The following THSD7A variants were observed in gnomAD, a reference collection of about 807,000 sequenced individuals.
The protein encoded by THSD7A is thrombospondin type-1 domain-containing protein 7A.
In THSD7A, 96 loss-of-function variants were observed where a neutral mutation model predicts 231.3. The ratio of observed to expected loss-of-function variants is 0.41; its 90% CI spans 0.35 to 0.49. The LOEUF (loss-of-function observed/expected upper bound fraction) is 0.49, where lower values mean the gene tolerates loss of function less well. Ranked by LOEUF, THSD7A falls within the 20% of genes least tolerant of loss-of-function variation. THSD7A has a pLI of 0.05. For synonymous variants in THSD7A, 940 were observed against 743.3 expected (o/e 1.26, Z -4.30); for missense variants, 2,290 against 2,070.2 (o/e 1.11, Z -2.06).
At chr7:11,480,718 G>C (rs1229357521) in intron 7 of THSD7A, among the ~76,000 whole-genome samples, 2 of 151,936 alleles carry the variant, frequency 1.3e-5, no homozygotes, top group Non-Finnish European at 2.9e-5. Flanking sequence ...CAAAGGCCAA[G>C]GTAATTATAG....
chr7:11,570,181 G>C (rs944726672), intron 4 of THSD7A, among the ~76,000 whole-genome samples: 1 of 151,620 alleles, frequency 6.6e-6, no homozygotes, highest in South Asian at 2.1e-4. Flanking sequence ...AAGAAAAAAA[G>C]AAAGAAAAGA....
At chr7:11,629,939 C>A (rs901684157) in intron 2 of THSD7A, among the ~76,000 whole-genome samples, 1 of 152,160 alleles carries the variant, frequency 6.6e-6, no homozygotes, top group East Asian at 1.9e-4. Flanking sequence ...TATCCCAGAA[C>A]ACGTATGGTT....
intron 4 of THSD7A, among the ~76,000 whole-genome samples, chr7:11,569,888 C>A (rs1184527082): frequency 6.6e-6 from 1 of 152,146 alleles, no homozygotes; most frequent in Non-Finnish European, 1.5e-5. Context: ...ATGGATGAAA[C>A]TAGGCTGGGC....
intron 1 of THSD7A, among the ~76,000 whole-genome samples, chr7:11,666,462 G>A (rs566588986): frequency 3.3e-5 from 5 of 151,920 alleles, no homozygotes; most frequent in African/African-American, 7.2e-5. Flanking sequence ...GGATTTTGGA[G>A]CATTTTGGAT....
At chr7:11,673,358 C>A (rs1783481629) in intron 1 of THSD7A, among the ~76,000 whole-genome samples, 1 of 152,106 alleles carries the variant, frequency 6.6e-6, no homozygotes, top group South Asian at 2.1e-4. Flanking sequence ...CTCATGGACT[C>A]CAGAGACTTC....
At chr7:11,473,980 G>A (rs1390642533) in intron 8 of THSD7A, among the ~76,000 whole-genome samples, 2 of 152,100 alleles carry the variant, frequency 1.3e-5, no homozygotes, top group Admixed American at 1.3e-4. Flanking sequence ...TATATAGGAG[G>A]TCATGGATGA....
chr7:11,549,734 A>G (rs563728525), intron 4 of THSD7A, among the ~76,000 whole-genome samples: 2 of 152,146 alleles, frequency 1.3e-5, no homozygotes, highest in Non-Finnish European at 1.5e-5. Context: ...CAATGAGGAC[A>G]CAGGGAGGGG....
chr7:11,571,498 A>T (rs1790627913), intron 4 of THSD7A, among the ~76,000 whole-genome samples: 1 of 152,164 alleles, frequency 6.6e-6, no homozygotes, highest in African/African-American at 2.4e-5. Flanking sequence ...CAGTATATGG[A>T]CTATTTTAAA....
intron 4 of THSD7A, among the ~76,000 whole-genome samples, chr7:11,554,247 G>A (rs1321324252): frequency 6.6e-6 from 1 of 151,978 alleles, no homozygotes; most frequent in Non-Finnish European, 1.5e-5. Context: ...ATTAAGGTGA[G>A]CCCTAAATCC....
rs988280618 is a variant in THSD7A, at chr7:11,519,355, A to C, written c.1822+22064T>G. Among the ~76,000 whole-genome samples the C allele has an allele frequency of 5.9e-5, 9 of 152,238 alleles. No homozygotes were observed. In the East Asian group the frequency reaches 1.7e-3, roughly 29 times the overall value. On this transcript the variant is annotated intron_variant, in intron 6 of 27. Transcript: ENST00000423059. ...AGTTGTTTAGCTTTGTCTAGTTTTG[A>C]AATTCATGTGAATAAATTTTTAGCT... is the stretch of plus-strand genomic sequence containing the variant.
chr7:11,471,258 TAGTA>T (rs1177708851), intron 8 of THSD7A, among the ~76,000 whole-genome samples: 3 of 151,974 alleles, frequency 2.0e-5, no homozygotes, highest in African/African-American at 7.2e-5. Flanking sequence ...TCTAAACAAC[TAGTA>T]TAGTTCTTGC....
chr7:11,545,088 G>T (rs1048458989), intron 4 of THSD7A, among the ~76,000 whole-genome samples: 10 of 152,060 alleles, frequency 6.6e-5, no homozygotes, highest in Admixed American at 2.0e-4. Flanking sequence ...TATAAAAATG[G>T]ATTCTTTTAA....
rs1783598111 is a variant in THSD7A at position 11,406,830 on chromosome 7, C to G, written c.4062+80G>C. 6.7e-7 allele frequency: 1 copy of G among 1,490,170 alleles called. No homozygotes were observed. Among genetic ancestry groups the G allele is most frequent in the Non-Finnish European group, 9.1e-7 (1 of 1,101,946 alleles). 92.3% of individuals were successfully genotyped at this position (1,490,170 alleles called of 1,614,324 possible). Reference sequence around the variant, plus strand: ...TGAGCTCTGAAACATATTTCTAACACATTATTTTTATGTTTTTCTGCAGAT... The same window carrying G: ...TGAGCTCTGAAACATATTTCTAACAGATTATTTTTATGTTTTTCTGCAGAT... On this transcript the variant is annotated intron_variant, in intron 21 of 27. Transcript: ENST00000423059. The surrounding 1 kb of genome is among the most constrained non-coding windows in gnomAD (Gnocchi z 4.7).
At chr7:11,726,386 C>T (rs1183921798) in intron 1 of THSD7A, among the ~76,000 whole-genome samples, 3 of 152,062 alleles carry the variant, frequency 2.0e-5, no homozygotes, top group African/African-American at 7.2e-5. Context: ...TTAGGTGCAG[C>T]TGTAAAACAC....
At chr7:11,820,909 C>T in intron 1 of THSD7A, 1 of 917,410 alleles carries the variant, frequency 1.1e-6, no homozygotes, top group Non-Finnish European at 1.7e-6. Flanking sequence ...TTCACTGATT[C>T]TCTAGATTTA....
At chr7:11,437,550 G>T (rs191751262) in intron 13 of THSD7A, among the ~76,000 whole-genome samples, 1 of 151,980 alleles carries the variant, frequency 6.6e-6, no homozygotes, top group African/African-American at 2.4e-5. Context: ...AGCAATACTC[G>T]CTCTACCTAT....
At chr7:11,494,723 T>G (rs144096005) in intron 6 of THSD7A, among the ~76,000 whole-genome samples, 1 of 152,112 alleles carries the variant, frequency 6.6e-6, no homozygotes, top group East Asian at 1.9e-4. Context: ...GGATTTCTAG[T>G]CCATATTCCC....
chr7:11,460,502 A>G (rs1785465285), intron 11 of THSD7A, among the ~76,000 whole-genome samples, 160 bp downstream of exon 11: 1 of 152,230 alleles, frequency 6.6e-6, no homozygotes, highest in South Asian at 2.1e-4. Flanking sequence ...CAATTTAAAA[A>G]GACATGTTTC....
At chr7:11,531,614 A>T (rs550738495) in intron 6 of THSD7A, among the ~76,000 whole-genome samples, 43 of 152,212 alleles carry the variant, frequency 2.8e-4, no homozygotes, top group African/African-American at 1.0e-3. Flanking sequence ...TTACTTTCTC[A>T]TCTCCTTTGT....
Sources: gnomAD v4.1 joint callset for allele counts (sites outside exome capture counted in the v4.1 genomes callset) on GRCh38, gnomAD v4.1.1 for gene constraint, Gnocchi (gnomAD v3.1) non-coding constraint, MANE v1.5 for transcripts, NCBI Gene and HGNC (gene_info 2026-07-23, HGNC 2026-07-21) for gene names.